Variants in MOK observed in about 807,000 individuals in gnomAD.
MOK encodes the protein MAPK/MAK/MRK overlapping kinase.
Under a neutral mutation model 54.2 loss-of-function variants are expected in MOK, and 59 were observed. The observed-to-expected ratio is 1.09, with a 90% CI of 0.88 to 1.35. MOK has a LOEUF of 1.35. Ranked by LOEUF, MOK falls within the 40% of genes most tolerant of loss-of-function variation. The pLI is 0.00. For synonymous variants in MOK, 210 were observed against 202.7 expected (o/e 1.04, Z -0.31); for missense variants, 517 against 526.2 (o/e 0.98, Z 0.17).
intron 4 of MOK, among the ~76,000 whole-genome samples, chr14:102,256,442 C>T (rs547807765): frequency 4.0e-5 from 6 of 151,588 alleles, no homozygotes; most frequent in South Asian, 2.1e-4. Context: ...TTAGTGGTGG[C>T]GGGTGTCTGT....
chr14:102,214,711 A>G, the MOK span: 2 of 981,726 alleles, frequency 2.0e-6, no homozygotes, highest in Admixed American at 6.2e-5. Flanking sequence ...TTCCTTTTTT[A>G]TATTTTCATC....
chr14:102,293,701 CAAAA>C (rs10598736), intron 1 of MOK, among the ~76,000 whole-genome samples: 3,699 of 54,342 alleles, frequency 0.068, 20 homozygotes, highest in African/African-American at 0.11. Context: ...AACTCCATCA[CAAAA>C]AAAAAAAAAA....
At chr14:102,226,432 C>T (rs1169425858), downstream of MOK, 2 of 702,936 alleles carry the variant, frequency 2.8e-6, no homozygotes, top group South Asian at 3.0e-5. This position sits in a 1 kb window ranked among gnomAD's most constrained non-coding sequence, Gnocchi z 4.8. Context: ...TCAAGCGCTT[C>T]AATTGCATTG....
rs117494354 is a variant in MOK at position 102,282,107 on chromosome 14, G to A, written c.122+1371C>T. Among the ~76,000 whole-genome samples the A allele has an allele frequency of 3.4e-4, 52 of 152,170 alleles. No individual in the cohort carries two copies. The East Asian group carries it at 9.8e-3, about 29-fold the overall frequency. On this transcript the variant is annotated intron_variant, in intron 2 of 11. Transcript: ENST00000361847. ...AACTACCCTATCCAGATGTCATGAGGATGAAATTACTGTTCTTGGCCAGGT... is the reference window on the plus strand; with the variant it reads ...AACTACCCTATCCAGATGTCATGAGAATGAAATTACTGTTCTTGGCCAGGT...
At chr14:102,247,209 CACCCTTTACA>C (rs1179874268) in intron 7 of MOK, among the ~76,000 whole-genome samples, 1 of 152,226 alleles carries the variant, frequency 6.6e-6, no homozygotes, top group African/African-American at 2.4e-5. Context: ...CTAAAGCAAA[CACCCTTTACA>C]ACCACTCAGA....
chr14:102,266,302 CCCT>C (rs1446568788), intron 2 of MOK, among the ~76,000 whole-genome samples: 1 of 151,602 alleles, frequency 6.6e-6, no homozygotes, highest in Non-Finnish European at 1.5e-5. Context: ...AAAGACCCAC[CCCT>C]CCTTTTTTTT....
rs536952967 is a variant in MOK, at chr14:102,298,152, T to G, written c.7+6810A>C. Reference sequence around the variant, plus strand: ...CACTAGGTGAAGCCAGCTGGGCTCCTGAGTCTAGTGGGGACTTAGAGAACC... The same window carrying G: ...CACTAGGTGAAGCCAGCTGGGCTCCGGAGTCTAGTGGGGACTTAGAGAACC... On this transcript the variant is annotated intron_variant, in intron 1 of 11. Coordinates refer to ENST00000361847, the MANE Select transcript of MOK (RefSeq NM_014226.3). Among the ~76,000 whole-genome samples, 147 of 152,232 alleles carry G rather than the reference T, an allele frequency of 9.7e-4. 1 individual carries two copies. Among genetic ancestry groups the G allele is most frequent in the Non-Finnish European group, 1.9e-3 (127 of 68,044 alleles).
intron 2 of MOK, among the ~76,000 whole-genome samples, chr14:102,271,926 T>G (rs1018453169): frequency 3.9e-5 from 6 of 152,176 alleles, no homozygotes; most frequent in Non-Finnish European, 8.8e-5. Flanking sequence ...TGGCCCAGGC[T>G]GGAGTGCAGT....
intron 1 of MOK, among the ~76,000 whole-genome samples, chr14:102,290,792 T>C (rs956225763): frequency 6.6e-6 from 1 of 152,048 alleles, no homozygotes; most frequent in East Asian, 1.9e-4. Context: ...ATTTAGGAAA[T>C]ACAGAGTTAA....
At position 102,245,149 on chromosome 14, in the gene MOK, C is replaced by G. The variant is rs1159776029; in HGVS notation, c.590+5663G>C. On this transcript the variant is annotated intron_variant, in intron 7 of 11. Transcript: ENST00000361847. This position sits in a 1 kb window ranked among gnomAD's most constrained non-coding sequence, Gnocchi z 4.3. ...GCTCTCAATTCATAAAAAAACACAT[C>G]CAGGCCATCACCAATCATTCTATAT... 6.6e-6 allele frequency among the ~76,000 whole-genome samples: 1 copy of G among 152,062 alleles called. No homozygotes were observed. Among genetic ancestry groups the G allele is most frequent in the Non-Finnish European group, 1.5e-5 (1 of 68,010 alleles).
chr14:102,241,914 A>G lies in MOK; in HGVS notation c.591-8125T>C, dbSNP rs190911077. ...AAGGATCTTACTTCTAGCGCCGGAA[A>G]TCTGGCCACTGGGCCAAGAAATGCC... On this transcript the variant is annotated intron_variant, in intron 7 of 11. Transcript: ENST00000361847. Among the ~76,000 whole-genome samples, 84 of 152,300 alleles carry G rather than the reference A, an allele frequency of 5.5e-4. 1 individual carries two copies. Among genetic ancestry groups the G allele is most frequent in the African/African-American group, 2.0e-3 (83 of 41,562 alleles).
intron 2 of MOK, among the ~76,000 whole-genome samples, chr14:102,281,476 G>C: frequency 7.2e-6 from 1 of 139,316 alleles, no homozygotes; most frequent in African/African-American, 2.7e-5. Context: ...TCTAGCCTGG[G>C]CAACAGAATG....
At chr14:102,214,662 A>G in the MOK span, 39 of 984,080 alleles carry the variant, frequency 4.0e-5, no homozygotes, top group Non-Finnish European at 4.6e-5. Context: ...AATTGTATGG[A>G]TATTTTGAGT....
At chr14:102,226,733 T>C (rs1053975389), downstream of MOK, among the ~76,000 whole-genome samples, 1 of 152,142 alleles carries the variant, frequency 6.6e-6, no homozygotes, top group African/African-American at 2.4e-5. This position sits in a 1 kb window ranked among gnomAD's most constrained non-coding sequence, Gnocchi z 4.8. Context: ...GATTTCCCTT[T>C]TCTCCAAATC....
chr14:102,294,242 C>A (rs1049942021), intron 1 of MOK, among the ~76,000 whole-genome samples: 1 of 150,678 alleles, frequency 6.6e-6, no homozygotes, highest in East Asian at 1.9e-4. Context: ...GTCAGGAGAT[C>A]AACACCATCC....
At chr14:102,275,178 T>C (rs1313703178) in intron 2 of MOK, among the ~76,000 whole-genome samples, 1 of 152,162 alleles carries the variant, frequency 6.6e-6, no homozygotes, top group African/African-American at 2.4e-5. Context: ...AGGAAAGTCT[T>C]TTTTTAACAA....
At chr14:102,222,912 C>T (rs762449684), downstream of MOK, 26 of 1,613,464 alleles carry the variant, frequency 1.6e-5, no homozygotes, top group African/African-American at 5.3e-5. The surrounding 1 kb of genome is among the most constrained non-coding windows in gnomAD (Gnocchi z 4.4). Flanking sequence ...CACAGTCTCC[C>T]GGGACTTGGA....
At chr14:102,283,769 G>C (rs1398614080) in intron 1 of MOK, among the ~76,000 whole-genome samples, 177 bp from the exon 2 acceptor site, 1 of 152,140 alleles carries the variant, frequency 6.6e-6, no homozygotes, top group Admixed American at 6.6e-5. Context: ...CTGGAACAAA[G>C]CATCATTTCC....
downstream of MOK, among the ~76,000 whole-genome samples, chr14:102,227,538 G>C (rs1463026036): frequency 1.3e-5 from 2 of 152,190 alleles, no homozygotes; most frequent in African/African-American, 4.8e-5. Context: ...AAAGGAGCCC[G>C]GGGAAAGGCC....
Sources: gnomAD v4.1 joint callset for allele counts (sites outside exome capture counted in the v4.1 genomes callset) on GRCh38, gnomAD v4.1.1 for gene constraint, Gnocchi (gnomAD v3.1) non-coding constraint, MANE v1.5 for transcripts, NCBI Gene and HGNC (gene_info 2026-07-23, HGNC 2026-07-21) for gene names.